LRRTM4: variants seen among roughly 807,000 people sequenced by gnomAD.
LRRTM4 encodes the protein leucine-rich repeat transmembrane neuronal protein 4.
Under a neutral mutation model 47.6 loss-of-function variants are expected in LRRTM4, and 25 were observed. That is an observed-to-expected ratio of 0.53 (90% confidence interval 0.38 to 0.73). The LOEUF (loss-of-function observed/expected upper bound fraction) is 0.73. Among genes scored for constraint, LRRTM4 ranks in the 30% least tolerant of loss-of-function variants. The probability of loss-of-function intolerance (pLI) is 0.00; values close to 1 mark genes in which losing one functional copy is unlikely to be tolerated. For missense variants in LRRTM4, 638 were observed against 713.4 expected, an observed-to-expected ratio of 0.89 and a Z score of 1.20; for synonymous variants, 311 against 269.5, an observed-to-expected ratio of 1.15 and a Z score of -1.51.
chr2:77,483,467 A>G (rs1048945811), intron 3 of LRRTM4, among the ~76,000 whole-genome samples: 1 of 151,942 alleles, frequency 6.6e-6, no homozygotes, highest in South Asian at 2.1e-4. Flanking sequence ...CAGCCTCCCA[A>G]GTAGCTGGGA....
Position 76,916,614 on chromosome 2 carries a change from G to C in LRRTM4, c.1552-167698C>G, listed in dbSNP as rs182846299. 1.4e-4 allele frequency among the ~76,000 whole-genome samples: 21 copies of C among 152,092 alleles called. 1 individual carries two copies. The highest frequency in any genetic ancestry group is 5.1e-4 in the African/African-American group (21 of 41,506). ...TTTCTTTGTGAACCCAGTTAGAAAAGAAGAATGGAGGGAAAAACATCACAA... is the reference window on the plus strand; with the variant it reads ...TTTCTTTGTGAACCCAGTTAGAAAACAAGAATGGAGGGAAAAACATCACAA... On this transcript the variant is annotated intron_variant, in intron 3 of 3. Coordinates refer to ENST00000409884, the MANE Select transcript of LRRTM4 (RefSeq NM_001134745.3).
intron 3 of LRRTM4, among the ~76,000 whole-genome samples, chr2:77,355,764 T>C (rs1671943514): frequency 6.6e-6 from 1 of 152,154 alleles, no homozygotes; most frequent in Non-Finnish European, 1.5e-5. Flanking sequence ...CAGTGGAACA[T>C]GTGTCAACTC....
chr2:77,206,216 T>C (rs1674122283), intron 3 of LRRTM4, among the ~76,000 whole-genome samples: 1 of 151,558 alleles, frequency 6.6e-6, no homozygotes, highest in Non-Finnish European at 1.5e-5. Flanking sequence ...TCTCACTCTG[T>C]TGCCCAGGCT....
intron 3 of LRRTM4, among the ~76,000 whole-genome samples, chr2:76,899,168 C>T (rs1288901465): frequency 1.3e-5 from 2 of 151,772 alleles, no homozygotes; most frequent in Non-Finnish European, 2.9e-5. Context: ...TATGCATATA[C>T]CTCAAGATAA....
chr2:77,097,933 T>A (rs1670856364), intron 3 of LRRTM4, among the ~76,000 whole-genome samples: 1 of 151,920 alleles, frequency 6.6e-6, no homozygotes, highest in African/African-American at 2.4e-5. Context: ...AGAGAGTATT[T>A]ATGATTATAT....
chr2:76,786,530 T>TTTGAATCC (rs11282249), intron 3 of LRRTM4, among the ~76,000 whole-genome samples: 59,886 of 151,558 alleles, frequency 0.4, 13,148 homozygotes, highest in Non-Finnish European at 0.5. Context: ...CATGAAGCTC[T>TTTGAATCC]TTGAAGGAGT....
chr2:77,450,613 C>G (rs372828814), intron 3 of LRRTM4, among the ~76,000 whole-genome samples: 300 of 152,140 alleles, frequency 2.0e-3, no homozygotes, highest in African/African-American at 7.0e-3. Context: ...CTCTTTGTCT[C>G]TAGATTTCAG....
In LRRTM4 at chr2:76,748,603, T is replaced by A. The variant is rs1008148454; in HGVS notation, c.*92A>T. On this transcript the variant is annotated 3_prime_UTR_variant, in exon 4 of 4. Transcript: ENST00000409884. ...GTTTTAACAGGAACGATGAGCTTGC[T>A]CGATTGCGCGATTGTGGACACCCAT... is the stretch of plus-strand genomic sequence containing the variant. 16 of 1,014,752 alleles carry A rather than the reference T, an allele frequency of 1.6e-5. No individual in the cohort carries two copies. The highest frequency in any genetic ancestry group is 3.2e-5 in the African/African-American group (2 of 62,894). 62.9% of individuals were successfully genotyped at this position (1,014,752 alleles called of 1,614,324 possible). A position where few individuals can be genotyped will look rare whatever the true frequency, so the allele number is the denominator to read the frequency against.
intron 3 of LRRTM4, among the ~76,000 whole-genome samples, chr2:76,764,680 C>A (rs958257602): frequency 6.6e-6 from 1 of 152,006 alleles, no homozygotes; most frequent in South Asian, 2.1e-4. Context: ...TGAAACACTG[C>A]CAGTTTGAAC....
At chr2:77,262,543 A>AT (rs373715434) in intron 3 of LRRTM4, among the ~76,000 whole-genome samples, 21 of 149,538 alleles carry the variant, frequency 1.4e-4, no homozygotes, top group East Asian at 4.0e-4. Flanking sequence ...CTAGAATAAC[A>AT]TTTTTTTTTC....
At chr2:77,112,777 C>A (rs1260688297) in intron 3 of LRRTM4, among the ~76,000 whole-genome samples, 1 of 152,078 alleles carries the variant, frequency 6.6e-6, no homozygotes, top group Non-Finnish European at 1.5e-5. Flanking sequence ...ATGGCCCATG[C>A]CCACAGAACG....
At chr2:76,850,239 C>T (rs1671952678) in intron 3 of LRRTM4, among the ~76,000 whole-genome samples, 1 of 152,024 alleles carries the variant, frequency 6.6e-6, no homozygotes, top group African/African-American at 2.4e-5. Flanking sequence ...GTCTTTTTCC[C>T]TTTGTCAATT....
chr2:77,284,178 T>C (rs1573193428), intron 3 of LRRTM4, among the ~76,000 whole-genome samples: 1 of 152,220 alleles, frequency 6.6e-6, no homozygotes, highest in South Asian at 2.1e-4. Flanking sequence ...TAGTTACATA[T>C]ATCCCAAATA....
rs533182125 is a variant in LRRTM4, at chr2:77,359,744, T to A, written c.1551+158574A>T. On this transcript the variant is annotated intron_variant, in intron 3 of 3. Transcript: ENST00000409884. ...TTGCCTTAAGCCTAATTTTTTCTTT[T>A]CAACTAATAGATGTGGACAGTCATA... is the stretch of plus-strand genomic sequence containing the variant. Among the ~76,000 whole-genome samples, 48 of 152,336 alleles carry A rather than the reference T, an allele frequency of 3.2e-4. 1 individual carries two copies. The South Asian group carries it at 9.3e-3, about 30-fold the overall frequency.
intron 3 of LRRTM4, among the ~76,000 whole-genome samples, chr2:77,190,498 C>T (rs1673638426): frequency 6.6e-6 from 1 of 151,918 alleles, no homozygotes; most frequent in African/African-American, 2.4e-5. Flanking sequence ...CGGGGTTTTG[C>T]CATGTTGGCC....
At position 76,970,120 on chromosome 2, in the gene LRRTM4, C is replaced by T. The variant is rs575910644; in HGVS notation, c.1552-221204G>A. 4.6e-5 allele frequency among the ~76,000 whole-genome samples: 7 copies of T among 152,012 alleles called. No homozygotes were observed. The East Asian group carries it at 1.4e-3, about 30-fold the overall frequency. Reference sequence around the variant, plus strand: ...TCAAAGCAGACCTCAAAATTTAATCCTCAGACACACAATACAATCTTCCTT... The same window carrying T: ...TCAAAGCAGACCTCAAAATTTAATCTTCAGACACACAATACAATCTTCCTT... On this transcript the variant is annotated intron_variant, in intron 3 of 3. Transcript: ENST00000409884.
intron 3 of LRRTM4, among the ~76,000 whole-genome samples, chr2:77,216,386 G>A (rs1283349401): frequency 1.3e-5 from 2 of 152,102 alleles, no homozygotes; most frequent in South Asian, 2.1e-4. Context: ...CAGTATTTGG[G>A]CCGGGCGCGG....
At position 77,330,068 on chromosome 2, in the gene LRRTM4, C is replaced by G. The variant is rs141091668; in HGVS notation, c.1551+188250G>C. Among the ~76,000 whole-genome samples the G allele has an allele frequency of 2.0e-4, 30 of 152,224 alleles. No individual in the cohort carries two copies. In the East Asian group the frequency reaches 5.4e-3, roughly 28 times the overall value. Reference sequence around the variant, plus strand: ...GGCTCAGATCACACCTGCTCCTCTTCTCTGTGAAATAGCACACTTGATTTG... The same window carrying G: ...GGCTCAGATCACACCTGCTCCTCTTGTCTGTGAAATAGCACACTTGATTTG... On this transcript the variant is annotated intron_variant, in intron 3 of 3. Transcript: ENST00000409884.
chr2:77,231,640 T>G (rs1674969213), intron 3 of LRRTM4, among the ~76,000 whole-genome samples: 1 of 152,162 alleles, frequency 6.6e-6, no homozygotes, highest in Admixed American at 6.6e-5. Flanking sequence ...AAATTCATTC[T>G]TTTATTCATT....
Sources: gnomAD v4.1 joint callset for allele counts (sites outside exome capture counted in the v4.1 genomes callset) on GRCh38, gnomAD v4.1.1 for gene constraint, MANE v1.5 for transcripts, NCBI Gene and HGNC (gene_info 2026-07-23, HGNC 2026-07-21) for gene names.